Variants in CCSER2 observed in about 807,000 individuals in gnomAD.
The protein encoded by CCSER2 is serine-rich coiled-coil domain-containing protein 2.
Under a neutral mutation model 92.3 loss-of-function variants are expected in CCSER2, and 46 were observed. That is an observed-to-expected ratio of 0.50 (90% CI 0.39 to 0.64). The LOEUF is 0.64. Among genes scored for constraint, CCSER2 ranks in the 30% least tolerant of loss-of-function variants. CCSER2 has a pLI of 0.00. For missense variants in CCSER2, 1,244 were observed against 1,238.9 expected, an observed-to-expected ratio of 1.00 and a Z score of -0.06; for synonymous variants, 433 against 431.4, an observed-to-expected ratio of 1.00 and a Z score of -0.04.
At chr10:84,356,688 A>G (rs1349768251) in intron 1 of CCSER2, among the ~76,000 whole-genome samples, 3 of 152,212 alleles carry the variant, frequency 2.0e-5, no homozygotes, top group African/African-American at 7.2e-5. Context: ...CATTAGGGTT[A>G]GTAACCCAAT....
intron 6 of CCSER2, among the ~76,000 whole-genome samples, chr10:84,458,059 T>C (rs1387708980): frequency 6.6e-6 from 1 of 151,358 alleles, no homozygotes; most frequent in Non-Finnish European, 1.5e-5. Context: ...TGAAGTAAAA[T>C]TTATCATTTT....
chr10:84,378,284 G>A (rs1471218489), intron 3 of CCSER2, among the ~76,000 whole-genome samples: 1 of 151,926 alleles, frequency 6.6e-6, no homozygotes, highest in African/African-American at 2.4e-5. Context: ...TTGTGTTAGT[G>A]TGGTAGATTG....
At chr10:84,403,760 G>A (rs1283088681) in intron 3 of CCSER2, among the ~76,000 whole-genome samples, 6 of 152,048 alleles carry the variant, frequency 3.9e-5, no homozygotes, top group African/African-American at 1.4e-4. Context: ...ATAAAAAATT[G>A]TGATAAAACC....
At chr10:84,358,431 G>A (rs929714237) in intron 1 of CCSER2, among the ~76,000 whole-genome samples, 5 of 151,902 alleles carry the variant, frequency 3.3e-5, no homozygotes, top group Non-Finnish European at 5.9e-5. Context: ...TTTATAGAGT[G>A]GAATGATGGG....
At chr10:84,357,750 A>T (rs1027425501) in intron 1 of CCSER2, among the ~76,000 whole-genome samples, 3 of 152,136 alleles carry the variant, frequency 2.0e-5, no homozygotes, top group African/African-American at 7.2e-5. Flanking sequence ...GCGCTCGGCC[A>T]TATTTTTGTG....
intron 6 of CCSER2, among the ~76,000 whole-genome samples, chr10:84,452,533 A>G (rs758219897): frequency 6.6e-6 from 1 of 152,222 alleles, no homozygotes; most frequent in Non-Finnish European, 1.5e-5. Flanking sequence ...AATTCTAACT[A>G]GAAACTGTAG....
rs60834593 is a variant in CCSER2 at position 84,421,792 on chromosome 10, C to G, written c.1705+3931C>G. Among the ~76,000 whole-genome samples, 1,058 of 152,272 alleles carry G rather than the reference C, an allele frequency of 6.9e-3. 10 individuals carry two copies. The highest frequency in any genetic ancestry group is 0.024 in the African/African-American group (995 of 41,552). ...TCAAAATGGTACATGACACGGGATTCTTCAGAAATGAAGACCCAAAGACCT... is the reference window on the plus strand; with the variant it reads ...TCAAAATGGTACATGACACGGGATTGTTCAGAAATGAAGACCCAAAGACCT... On this transcript the variant is annotated intron_variant, in intron 4 of 9. Coordinates refer to ENST00000372088, the MANE Select transcript of CCSER2 (RefSeq NM_001284240.2).
At position 84,444,408 on chromosome 10, in the gene CCSER2, G is replaced by A. The variant is rs570158586; in HGVS notation, c.2064+5701G>A. On this transcript the variant is annotated intron_variant, in intron 6 of 9. Transcript: ENST00000372088. ...TCCATTCAAATTTTAGGCTAAAGTCGTTAAATTTATTTGGACATTCTTCTA... is the reference window on the plus strand; with the variant it reads ...TCCATTCAAATTTTAGGCTAAAGTCATTAAATTTATTTGGACATTCTTCTA... Among the ~76,000 whole-genome samples, 51 of 152,154 alleles carry A rather than the reference G, an allele frequency of 3.4e-4. 1 individual carries two copies. The highest frequency in any genetic ancestry group is 3.4e-4 in the African/African-American group (14 of 41,436).
At chr10:84,420,946 A>T (rs1843117116) in intron 4 of CCSER2, among the ~76,000 whole-genome samples, 1 of 151,934 alleles carries the variant, frequency 6.6e-6, no homozygotes, top group Non-Finnish European at 1.5e-5. Flanking sequence ...AAAAAAAAAA[A>T]AAAGGTTTAG....
At chr10:84,435,935 G>T (rs937659298) in intron 5 of CCSER2, among the ~76,000 whole-genome samples, 2 of 151,672 alleles carry the variant, frequency 1.3e-5, no homozygotes, top group African/African-American at 4.8e-5. Flanking sequence ...GCACAGTGGA[G>T]GGCAGAATGG....
intron 3 of CCSER2, among the ~76,000 whole-genome samples, chr10:84,384,566 C>T (rs1841085919): frequency 6.6e-6 from 1 of 152,132 alleles, no homozygotes. Flanking sequence ...TGATAAAATA[C>T]AGCATCCCTT....
chr10:84,491,630 C>T (rs541537544), intron 9 of CCSER2, among the ~76,000 whole-genome samples: 1 of 152,122 alleles, frequency 6.6e-6, no homozygotes, highest in Non-Finnish European at 1.5e-5. Context: ...TTTCCAGGAT[C>T]CGTCTGTCAC....
intron 9 of CCSER2, among the ~76,000 whole-genome samples, chr10:84,499,369 C>T (rs1031511767): frequency 1.3e-5 from 2 of 152,092 alleles, no homozygotes; most frequent in Non-Finnish European, 2.9e-5. Context: ...CTCCTGACCT[C>T]GTGATCCACC....
chr10:84,403,425 T>C (rs1332686925), intron 3 of CCSER2, among the ~76,000 whole-genome samples: 2 of 151,946 alleles, frequency 1.3e-5, no homozygotes, highest in Non-Finnish European at 2.9e-5. Flanking sequence ...AAGAAAGAAA[T>C]TGACAAATTG....
intron 1 of CCSER2, among the ~76,000 whole-genome samples, chr10:84,347,036 G>A (rs561587660): frequency 4.3e-4 from 65 of 152,176 alleles, no homozygotes; most frequent in Admixed American, 1.2e-3. Flanking sequence ...ATCTTGCACC[G>A]CCCTTAATCC....
At chr10:84,422,762 A>G (rs918979945) in intron 4 of CCSER2, among the ~76,000 whole-genome samples, 5 of 152,164 alleles carry the variant, frequency 3.3e-5, no homozygotes, top group Non-Finnish European at 5.9e-5. Context: ...ATTTAAATTT[A>G]TCAGTCTCTG....
chr10:84,347,486 G>T (rs1174406441), intron 1 of CCSER2, among the ~76,000 whole-genome samples: 1 of 149,234 alleles, frequency 6.7e-6, no homozygotes, highest in Non-Finnish European at 1.5e-5. Context: ...CCCGGACTGG[G>T]TGGCTGGCCG....
At chr10:84,372,501 T>G (rs1846118071) in intron 2 of CCSER2, 32 bp downstream of exon 2, 1 of 1,223,724 alleles carries the variant, frequency 8.2e-7, no homozygotes, top group Non-Finnish European at 1.1e-6. Context: ...TTTTTTTGCT[T>G]TCTTTTAAAT....
At position 84,466,507 on chromosome 10, in the gene CCSER2, G is replaced by T. The variant is rs12782891; in HGVS notation, c.2148+2491G>T. Among the ~76,000 whole-genome samples, 219 of 131,700 alleles carry T rather than the reference G, an allele frequency of 1.7e-3. 2 individuals carry two copies. The highest frequency in any genetic ancestry group is 2.6e-3 in the Admixed American group (32 of 12,218). 86.4% of individuals were successfully genotyped at this position (131,700 alleles called of 152,430 possible). ...CTTGCTTTCTTTTTTTTGTTTTTTT[G>T]GTTTTTTTTTTTTTTGAGACAAAGT... On this transcript the variant is annotated intron_variant, in intron 7 of 9. Transcript: ENST00000372088.
Sources: gnomAD v4.1 joint callset for allele counts (sites outside exome capture counted in the v4.1 genomes callset) on GRCh38, gnomAD v4.1.1 for gene constraint, MANE v1.5 for transcripts, NCBI Gene and HGNC (gene_info 2026-07-23, HGNC 2026-07-21) for gene names.